The following DTWD1 variants were observed in gnomAD, a reference collection of about 807,000 sequenced individuals.
DTWD1 encodes the protein DTW motif tRNA-uridine aminocarboxypropyltransferase 1.
DTWD1 carries 27 observed loss-of-function variants against 30.2 expected under a neutral mutation model. That is an observed-to-expected ratio of 0.90 (90% CI 0.66 to 1.23). DTWD1 has a LOEUF of 1.23. Among genes scored for constraint, DTWD1 ranks in the 50% most tolerant of loss-of-function variants. The pLI is 0.00. For synonymous variants in DTWD1, 99 were observed against 113.1 expected, an observed-to-expected ratio of 0.88 and a Z score of 0.79; for missense variants, 342 against 348.8, an observed-to-expected ratio of 0.98 and a Z score of 0.15.
Position 49,650,246 on chromosome 15 carries a change from CTGAG to C in DTWD1, c.*6672_*6675del, listed in dbSNP as rs2079145539. ...CATGGTAAGATGTTAAGATTTTACT[CTGAG>C]TGATGAGATAGGAAGCCATCAGAGA... On this transcript the variant is annotated 3_prime_UTR_variant, in exon 5 of 5. Coordinates refer to ENST00000403028, the MANE Select transcript of DTWD1 (RefSeq NM_001144955.2). 2 of 152,088 alleles carry C rather than the reference CTGAG, an allele frequency of 1.3e-5. No homozygotes were observed. The highest frequency in any genetic ancestry group is 4.8e-5 in the African/African-American group (2 of 41,490). The allele number at this position is 152,088 out of a possible 1,614,324, so 9.4% of individuals were successfully genotyped here.
In DTWD1 at chr15:49,643,302, CTTTCTTTTTTT is replaced by C. The variant is rs761357586; in HGVS notation, c.668-25_668-15del. 1 of 1,199,950 alleles carries C rather than the reference CTTTCTTTTTTT, an allele frequency of 8.3e-7. No individual in the cohort carries two copies. Among genetic ancestry groups the C allele is most frequent in the Non-Finnish European group, 1.1e-6 (1 of 914,030 alleles). 74.3% of individuals were successfully genotyped at this position (1,199,950 alleles called of 1,614,324 possible). On this transcript the variant is annotated intron_variant, in intron 4 of 4. Transcript: ENST00000403028. ...AAATATTTATATTTTTTCTTTCTTTCTTTCTTTTTTTTTTTTTTTTTTTGACAGGGTTGTTA... is the reference window on the plus strand; with the variant it reads ...AAATATTTATATTTTTTCTTTCTTTCTTTTTTTTTTTTGACAGGGTTGTTA...
chr15:49,636,602 GA>G (rs762674375), intron 4 of DTWD1, among the ~76,000 whole-genome samples: 12 of 152,014 alleles, frequency 7.9e-5, no homozygotes, highest in Non-Finnish European at 1.5e-4. Context: ...TCAATTGTCT[GA>G]ATGTTTCATT....
At chr15:49,624,078 T>C (rs1463940997) in intron 1 of DTWD1, among the ~76,000 whole-genome samples, 1 of 151,000 alleles carries the variant, frequency 6.6e-6, no homozygotes, top group Non-Finnish European at 1.5e-5. Flanking sequence ...GAAAAATTCA[T>C]TTGATGAGTA....
At chr15:49,635,649 A>G (rs2078991579) in intron 4 of DTWD1, among the ~76,000 whole-genome samples, 1 of 151,376 alleles carries the variant, frequency 6.6e-6, no homozygotes, top group Non-Finnish European at 1.5e-5. Context: ...CACCATCACC[A>G]CGCCTGGCTA....
At chr15:49,640,375 C>A (rs141573285) in intron 4 of DTWD1, among the ~76,000 whole-genome samples, 93 of 152,190 alleles carry the variant, frequency 6.1e-4, no homozygotes, top group African/African-American at 2.1e-3. Context: ...TTGGTTATTT[C>A]TAGTTTTTCC....
rs1254843541 is a variant in DTWD1 at position 49,621,096 on chromosome 15, G to A, written c.-82G>A. 6.6e-6 allele frequency: 1 copy of A among 152,542 alleles called. No individual in the cohort carries two copies. Among genetic ancestry groups the A allele is most frequent in the East Asian group, 1.9e-4 (1 of 5,204 alleles). The allele number at this position is 152,542 out of a possible 1,614,324, so 9.4% of individuals were successfully genotyped here. On this transcript the variant is annotated 5_prime_UTR_variant, in exon 1 of 5. Transcript: ENST00000403028. ...TCGGGCGGAGCTGGAGACGTGTGGAGCTGTTCGAGGACTCGCGGGTGTGCA... is the reference window on the plus strand; with the variant it reads ...TCGGGCGGAGCTGGAGACGTGTGGAACTGTTCGAGGACTCGCGGGTGTGCA...
chr15:49,647,870 AAAAG>A lies in DTWD1; in HGVS notation c.*4295_*4298del, dbSNP rs1205378505. On this transcript the variant is annotated 3_prime_UTR_variant, in exon 5 of 5. Coordinates refer to ENST00000403028, the MANE Select transcript of DTWD1 (RefSeq NM_001144955.2). ...ACAAAACAAGAATAGGAGAGTGTGA[AAAAG>A]AACAAGCAATAAAAAAGATCTCAGA... 1.3e-5 allele frequency: 2 copies of A among 152,158 alleles called. No homozygotes were observed. Among genetic ancestry groups the A allele is most frequent in the African/African-American group, 2.4e-5 (1 of 41,456 alleles). 9.4% of individuals were successfully genotyped at this position (152,158 alleles called of 1,614,324 possible). A position where few individuals can be genotyped will look rare whatever the true frequency, so the allele number is the denominator to read the frequency against.
rs936853854 is a variant in DTWD1, at chr15:49,649,020, G to T, written c.*5442G>T. 5.9e-5 allele frequency: 9 copies of T among 152,070 alleles called. No homozygotes were observed. Among genetic ancestry groups the T allele is most frequent in the African/African-American group, 2.2e-4 (9 of 41,404 alleles). 9.4% of individuals were successfully genotyped at this position (152,070 alleles called of 1,614,324 possible). On this transcript the variant is annotated 3_prime_UTR_variant, in exon 5 of 5. Coordinates refer to ENST00000403028, the MANE Select transcript of DTWD1 (RefSeq NM_001144955.2). Reference sequence around the variant, plus strand: ...ATAGGAGTAACAGAATGGGAAAGGCGTGGAAAAAAATTTGTGATTTCTAAA... The same window carrying T: ...ATAGGAGTAACAGAATGGGAAAGGCTTGGAAAAAAATTTGTGATTTCTAAA...
chr15:49,655,944 A>T lies in DTWD1; in HGVS notation c.*12366A>T, dbSNP rs1025165858. 1.3e-5 allele frequency: 2 copies of T among 152,266 alleles called. No individual in the cohort carries two copies. The highest frequency in any genetic ancestry group is 3.9e-4 in the East Asian group (2 of 5,168). 9.4% of individuals were successfully genotyped at this position (152,266 alleles called of 1,614,324 possible). A position where few individuals can be genotyped will look rare whatever the true frequency, so the allele number is the denominator to read the frequency against. On this transcript the variant is annotated 3_prime_UTR_variant, in exon 5 of 5. Transcript: ENST00000403028. ...CTTTGAAAAATTAATACTACATTTT[A>T]GTATGAATATAAGTTAAACTTAGAG...
In DTWD1 at chr15:49,646,635, CTCT is replaced by C. The variant is rs1362804964; in HGVS notation, c.*3064_*3066del. Reference sequence around the variant, plus strand: ...CTAGAAAAAGCTGCTGGGTAAATTGCTCTTCTTCTGATGGACTGTATAGAGACA... The same window carrying C: ...CTAGAAAAAGCTGCTGGGTAAATTGCTCTTCTGATGGACTGTATAGAGACA... On this transcript the variant is annotated 3_prime_UTR_variant, in exon 5 of 5. Transcript: ENST00000403028. 1.3e-5 allele frequency: 2 copies of C among 152,188 alleles called. No homozygotes were observed. Among genetic ancestry groups the C allele is most frequent in the South Asian group, 4.1e-4 (2 of 4,822 alleles). 9.4% of individuals were successfully genotyped at this position (152,188 alleles called of 1,614,324 possible).
intron 4 of DTWD1, among the ~76,000 whole-genome samples, chr15:49,636,000 C>A (rs981202654): frequency 1.7e-4 from 26 of 152,084 alleles, no homozygotes; most frequent in African/African-American, 5.8e-4. Flanking sequence ...AGCACACTTC[C>A]ACACTCTCCA....
At chr15:49,635,915 G>A in intron 4 of DTWD1, among the ~76,000 whole-genome samples, 1 of 152,062 alleles carries the variant, frequency 6.6e-6, no homozygotes, top group Non-Finnish European at 1.5e-5. Context: ...CTACAAGTTA[G>A]GAAATGAACC....
intron 2 of DTWD1, among the ~76,000 whole-genome samples, chr15:49,630,423 G>A (rs2078903944): frequency 6.6e-6 from 1 of 152,154 alleles, no homozygotes; most frequent in African/African-American, 2.4e-5. Flanking sequence ...CTTGGAGATG[G>A]TGGGAACTAC....
intron 3 of DTWD1, among the ~76,000 whole-genome samples, chr15:49,633,049 C>CTATATATATCTATATATATATA (rs2078948251): frequency 1.7e-5 from 2 of 117,316 alleles, no homozygotes; most frequent in Non-Finnish European, 3.5e-5. Context: ...ATATCTATAT[C>CTATATATATCTATATATATATA]TATATATATA....
At chr15:49,626,605 A>G (rs2078847718) in intron 2 of DTWD1, 1 of 281,132 alleles carries the variant, frequency 3.6e-6, no homozygotes, top group South Asian at 3.4e-5. Context: ...TAAATTCTAC[A>G]CATGGACTCA....
chr15:49,630,479 C>T (rs936795057), intron 2 of DTWD1, among the ~76,000 whole-genome samples: 7 of 152,112 alleles, frequency 4.6e-5, no homozygotes, highest in African/African-American at 1.4e-4. Flanking sequence ...AAGAACACAT[C>T]TCCAGAGGGT....
rs2153353675 is a variant in DTWD1 at position 49,638,980 on chromosome 15, G to T, written c.667+4186G>T. On this transcript the variant is annotated intron_variant, in intron 4 of 4. Transcript: ENST00000403028. ...ATGTGAGTCCAAATTATATTTAAAT[G>T]GCATTATACTGTAATTGGTTATAAA... 1.3e-5 allele frequency among the ~76,000 whole-genome samples: 2 copies of T among 152,130 alleles called. 1 individual carries two copies. The highest frequency in any genetic ancestry group is 4.1e-4 in the South Asian group (2 of 4,824).
chr15:49,638,516 A>G (rs116448367), intron 4 of DTWD1, among the ~76,000 whole-genome samples: 1 of 152,282 alleles, frequency 6.6e-6, no homozygotes, highest in African/African-American at 2.4e-5. Context: ...ATACATATCT[A>G]TAACCTCTGT....
At chr15:49,630,231 G>T (rs1347968773) in intron 2 of DTWD1, among the ~76,000 whole-genome samples, 1 of 152,178 alleles carries the variant, frequency 6.6e-6, no homozygotes, top group Non-Finnish European at 1.5e-5. Flanking sequence ...TTTGATAGTG[G>T]CAAATCATTA....
Sources: allele counts gnomAD v4.1 joint callset (sites outside exome capture counted in the v4.1 genomes callset), GRCh38; gene constraint gnomAD v4.1.1; transcripts MANE v1.5; gene names NCBI Gene and HGNC (gene_info 2026-07-23, HGNC 2026-07-21).